Variants in DLGAP2 observed in about 807,000 individuals in gnomAD.
DLGAP2 encodes DLG associated protein 2.
A neutral mutation model predicts 100.3 loss-of-function variants in DLGAP2; 26 were observed. The ratio of observed to expected loss-of-function variants is 0.26; its 90% CI spans 0.19 to 0.36. The LOEUF (loss-of-function observed/expected upper bound fraction) is 0.36. Among genes scored for constraint, DLGAP2 ranks in the 10% least tolerant of loss-of-function variants. The pLI is 1.00. For missense variants in DLGAP2, 1,858 were observed against 1,453.2 expected, an observed-to-expected ratio of 1.28 and a Z score of -4.53; for synonymous variants, 886 against 630.1, an observed-to-expected ratio of 1.41 and a Z score of -6.08.
chr8:1,156,536 C>T (rs1376931715), intron 2 of DLGAP2, among the ~76,000 whole-genome samples: 1 of 151,872 alleles, frequency 6.6e-6, no homozygotes, highest in African/African-American at 2.4e-5. Flanking sequence ...GTGGCCCCGA[C>T]TCCCCCAAAT....
chr8:1,011,595 G>C (rs989518371), intron 2 of DLGAP2, among the ~76,000 whole-genome samples: 1 of 150,024 alleles, frequency 6.7e-6, no homozygotes, highest in East Asian at 2.0e-4. Flanking sequence ...AGTGAGCCCT[G>C]GACGAGGTTC....
At chr8:904,497 G>T (rs1160982501) in intron 1 of DLGAP2, among the ~76,000 whole-genome samples, 1 of 152,210 alleles carries the variant, frequency 6.6e-6, no homozygotes, top group Non-Finnish European at 1.5e-5. Flanking sequence ...TCCAGCCTGG[G>T]CGATAGAACA....
chr8:861,599 T>C (rs893604213), intron 1 of DLGAP2, among the ~76,000 whole-genome samples: 2 of 152,252 alleles, frequency 1.3e-5, no homozygotes, highest in African/African-American at 2.4e-5. Flanking sequence ...AACAGCGCTT[T>C]TGAAAAGTTT....
At chr8:1,337,588 T>G (rs75255394) in intron 3 of DLGAP2, among the ~76,000 whole-genome samples, 996 of 25,626 alleles carry the variant, frequency 0.039, 10 homozygotes, top group African/African-American at 0.089. Context: ...GAAGATGGCA[T>G]GCTTGGGTTC....
intron 1 of DLGAP2, among the ~76,000 whole-genome samples, chr8:860,451 C>A (rs757789098): frequency 6.6e-6 from 1 of 152,156 alleles, no homozygotes; most frequent in Non-Finnish European, 1.5e-5. Flanking sequence ...GCTTTTCTGT[C>A]CCAATGGAAT....
intron 3 of DLGAP2, among the ~76,000 whole-genome samples, chr8:1,286,106 G>A (rs766117155): frequency 6.6e-5 from 10 of 152,244 alleles, no homozygotes; most frequent in Non-Finnish European, 1.2e-4. Context: ...ACCAGGTGGA[G>A]ATCATTGAAT....
In DLGAP2 at chr8:1,267,258, T is replaced by C. The variant is rs1295316958; in HGVS notation, c.106+8375T>C. On this transcript the variant is annotated intron_variant, in intron 3 of 14. Coordinates refer to ENST00000637795, the MANE Select transcript of DLGAP2 (RefSeq NM_001346810.2). ...AAATAAATAAATAAATAAAATAAAA[T>C]AAAATAAAATAAAATAAAATAAAAA... Among the ~76,000 whole-genome samples, 1,165 of 140,512 alleles carry C rather than the reference T, an allele frequency of 8.3e-3. 14 individuals are homozygous for C. Among genetic ancestry groups the C allele is most frequent in the African/African-American group, 0.03 (1,086 of 36,376 alleles). 92.2% of individuals were successfully genotyped at this position (140,512 alleles called of 152,430 possible). A position where few individuals can be genotyped will look rare whatever the true frequency, so the allele number is the denominator to read the frequency against.
At chr8:1,193,066 C>G (rs994784022) in intron 2 of DLGAP2, among the ~76,000 whole-genome samples, 4 of 152,112 alleles carry the variant, frequency 2.6e-5, no homozygotes, top group Non-Finnish European at 5.9e-5. Context: ...TTAATCCAGT[C>G]TATCATTGTT....
chr8:1,530,837 C>T (rs1262774726), intron 4 of DLGAP2, among the ~76,000 whole-genome samples: 1 of 152,204 alleles, frequency 6.6e-6, no homozygotes, highest in Non-Finnish European at 1.5e-5. Context: ...ATACCTTCCC[C>T]ACTTCCAGCA....
intron 2 of DLGAP2, among the ~76,000 whole-genome samples, chr8:1,127,205 C>T (rs62486829): frequency 0.22 from 32,716 of 150,560 alleles, 4,163 homozygotes; most frequent in Admixed American, 0.29. Flanking sequence ...TTCCTGGAGC[C>T]GCCTCTTGCA....
At chr8:1,275,565 C>G (rs1799665939) in intron 3 of DLGAP2, among the ~76,000 whole-genome samples, 1 of 151,020 alleles carries the variant, frequency 6.6e-6, no homozygotes. Flanking sequence ...TCTTTTCATT[C>G]CCAGATCTTC....
chr8:986,900 T>G (rs1448019689), intron 2 of DLGAP2, among the ~76,000 whole-genome samples: 1 of 152,158 alleles, frequency 6.6e-6, no homozygotes, highest in Non-Finnish European at 1.5e-5. Flanking sequence ...CCTCCAGTGA[T>G]CCACCCGTCT....
chr8:1,122,261 A>C (rs908552244), intron 2 of DLGAP2, among the ~76,000 whole-genome samples: 3 of 152,184 alleles, frequency 2.0e-5, no homozygotes, highest in Non-Finnish European at 2.9e-5. Context: ...CTGTCCATGG[A>C]GACAGAGTTT....
intron 3 of DLGAP2, among the ~76,000 whole-genome samples, chr8:1,312,589 T>C (rs531902151): frequency 2.9e-4 from 44 of 152,216 alleles, no homozygotes; most frequent in Non-Finnish European, 5.9e-4. Context: ...TATTTGGACA[T>C]GCAATGCATG....
chr8:1,629,753 G>C (rs572713668), intron 7 of DLGAP2, among the ~76,000 whole-genome samples: 1 of 152,316 alleles, frequency 6.6e-6, no homozygotes, highest in African/African-American at 2.4e-5. Context: ...TCTCATCCGA[G>C]GTGTGAACGT....
chr8:911,850 C>T (rs370680539), intron 2 of DLGAP2, among the ~76,000 whole-genome samples: 1 of 152,374 alleles, frequency 6.6e-6, no homozygotes, highest in East Asian at 1.9e-4. Flanking sequence ...ATTGAATCCA[C>T]ATTTCCCTGA....
At chr8:753,919 GC>G (rs1263615935) in intron 1 of DLGAP2, 1 of 152,222 alleles carries the variant, frequency 6.6e-6, no homozygotes, top group Non-Finnish European at 1.5e-5. Context: ...CGCAGGAAGG[GC>G]CTTCGCGGCC....
intron 1 of DLGAP2, among the ~76,000 whole-genome samples, chr8:775,377 C>G (rs986409021): frequency 2.0e-5 from 3 of 149,840 alleles, no homozygotes; most frequent in Non-Finnish European, 4.4e-5. Context: ...CCAGAACTTC[C>G]AACACTGTGT....
chr8:1,378,508 T>C (rs1187310424), intron 3 of DLGAP2, among the ~76,000 whole-genome samples: 1 of 151,364 alleles, frequency 6.6e-6, no homozygotes, highest in Non-Finnish European at 1.5e-5. Context: ...CTGTCTTTCC[T>C]GCGCACACCT....
Sources: gnomAD v4.1 joint callset for allele counts (sites outside exome capture counted in the v4.1 genomes callset) on GRCh38, gnomAD v4.1.1 for gene constraint, MANE v1.5 for transcripts, NCBI Gene and HGNC (gene_info 2026-07-23, HGNC 2026-07-21) for gene names.